The following LPA variants were observed in gnomAD, a reference collection of about 807,000 sequenced individuals.
The protein encoded by LPA is lipoprotein(a).
Under a neutral mutation model 197.9 loss-of-function variants are expected in LPA, and 199 were observed. That is an observed-to-expected ratio of 1.01 (90% confidence interval 0.90 to 1.13). The LOEUF is 1.13. Among genes scored for constraint, LPA ranks in the 50% most tolerant of loss-of-function variants. The pLI, the probability that LPA is intolerant of heterozygous loss-of-function variation, is 0.00. For synonymous variants in LPA, 715 were observed against 639.5 expected (o/e 1.12, Z -1.78); for missense variants, 1,853 against 1,785.8 (o/e 1.04, Z -0.68).
intron 23 of LPA, 112 bp from the exon 24 acceptor site, chr6:160,589,824 C>G: frequency 1.6e-6 from 2 of 1,247,862 alleles, no homozygotes; most frequent in Non-Finnish European, 2.3e-6. Context: ...CGACCATGCT[C>G]TGTTCTACAT....
At chr6:160,553,918 T>TC (rs1491552116) in intron 30 of LPA, among the ~76,000 whole-genome samples, 18 of 147,110 alleles carry the variant, frequency 1.2e-4, no homozygotes, top group African/African-American at 3.9e-4. Context: ...TCTCTCTCTC[T>TC]TTCTCTCTCT....
At chr6:160,552,841 A>T (rs1778187723) in intron 30 of LPA, among the ~76,000 whole-genome samples, 1 of 152,206 alleles carries the variant, frequency 6.6e-6, no homozygotes, top group African/African-American at 2.4e-5. Context: ...TAATATACTC[A>T]TAAGGTAGTT....
At chr6:160,534,614 C>T (rs1275163728) in intron 37 of LPA, among the ~76,000 whole-genome samples, 1 of 152,172 alleles carries the variant, frequency 6.6e-6, no homozygotes, top group Non-Finnish European at 1.5e-5. Context: ...TTTTGACCTC[C>T]TTCTGAGAAG....
intron 1 of LPA, among the ~76,000 whole-genome samples, chr6:160,659,101 G>A (rs1029997289): frequency 6.6e-6 from 1 of 152,162 alleles, no homozygotes; most frequent in Non-Finnish European, 1.5e-5. Context: ...GGAGTCCGAT[G>A]TTCAAGAGCA....
Position 160,608,182 on chromosome 6 carries a change from G to T in LPA, c.2604-1524C>A, listed in dbSNP as rs139873124. On this transcript the variant is annotated intron_variant, in intron 16 of 38. Transcript: ENST00000316300. ...TGCTGGGTTCTTCATTACATGGGCT[G>T]CAGAAAGTTCCCTTCTTGTACTATT... Among the ~76,000 whole-genome samples, 13 of 152,266 alleles carry T rather than the reference G, an allele frequency of 8.5e-5. No homozygotes were observed. In the East Asian group the frequency reaches 2.5e-3, roughly 29 times the overall value.
intron 1 of LPA, among the ~76,000 whole-genome samples, chr6:160,657,205 G>C (rs955084447): frequency 6.6e-6 from 1 of 151,998 alleles, no homozygotes; most frequent in East Asian, 1.9e-4. Flanking sequence ...ACAAAGCTTC[G>C]GCCAAGGGTG....
At chr6:160,594,196 G>C (rs1332446411) in intron 21 of LPA, 79 bp from the exon 22 acceptor site, 2 of 1,555,814 alleles carry the variant, frequency 1.3e-6, no homozygotes, top group Non-Finnish European at 1.8e-6. Context: ...GACTGAAACA[G>C]GATCATTGTC....
intron 18 of LPA, among the ~76,000 whole-genome samples, chr6:160,602,397 T>C (rs1779260968): frequency 6.6e-6 from 1 of 152,202 alleles, no homozygotes; most frequent in African/African-American, 2.4e-5. Flanking sequence ...CTTACAATGG[T>C]ACACTTCCAA....
intron 29 of LPA, among the ~76,000 whole-genome samples, chr6:160,557,049 T>C (rs1778276162): frequency 6.6e-6 from 1 of 152,142 alleles, no homozygotes; most frequent in Admixed American, 6.5e-5. Flanking sequence ...ATGAACACTG[T>C]CCATTTTAAT....
At position 160,552,559 on chromosome 6, in the gene LPA, A is replaced by T. The variant is rs184982609; in HGVS notation, c.4973+3466T>A. ...AGGATCATAGCATGTATACAGAAAA[A>T]GTTTTTGCACATTGAGCACGTATAT... is the stretch of plus-strand genomic sequence containing the variant. On this transcript the variant is annotated intron_variant, in intron 30 of 38. Coordinates refer to ENST00000316300, the MANE Select transcript of LPA (RefSeq NM_005577.4). Among the ~76,000 whole-genome samples the T allele has an allele frequency of 2.2e-4, 34 of 152,306 alleles. No homozygotes were observed. The East Asian group carries it at 6.2e-3, about 28-fold the overall frequency.
intron 28 of LPA, among the ~76,000 whole-genome samples, chr6:160,573,709 C>A (rs747857364): frequency 2.0e-5 from 3 of 152,162 alleles, no homozygotes; most frequent in African/African-American, 7.2e-5. Context: ...GGTCTTGCCA[C>A]CTAGCAAGTC....
intron 6 of LPA, among the ~76,000 whole-genome samples, chr6:160,636,068 G>A (rs1377625503): frequency 1.9e-4 from 2 of 10,296 alleles, no homozygotes; most frequent in African/African-American, 1.9e-3. Context: ...GAGGGAAAGG[G>A]GGATGAGTTG....
At chr6:160,609,524 T>C (rs1176327651) in intron 16 of LPA, among the ~76,000 whole-genome samples, 1 of 149,920 alleles carries the variant, frequency 6.7e-6, no homozygotes. Context: ...ATCATGTAGT[T>C]TTTTTTCTCG....
At position 160,540,194 on chromosome 6, in the gene LPA, T is replaced by A. The variant is rs1369266461; in HGVS notation, c.5595-11A>T. ...GAAGGCCTTGAGGACCTAGAAAAGA[T>A]GAGGATGTCAAGAGAAAAATATGGT... On this transcript the variant is annotated splice_polypyrimidine_tract_variant and intron_variant, in intron 35 of 38. Coordinates refer to ENST00000316300, the MANE Select transcript of LPA (RefSeq NM_005577.4). 5 of 1,614,038 alleles carry A rather than the reference T, an allele frequency of 3.1e-6. No homozygotes were observed. The highest frequency in any genetic ancestry group is 4.2e-6 in the Non-Finnish European group (5 of 1,180,042).
At chr6:160,581,834 G>A (rs910879139) in intron 26 of LPA, among the ~76,000 whole-genome samples, 7 of 152,078 alleles carry the variant, frequency 4.6e-5, no homozygotes, top group Non-Finnish European at 8.8e-5. Flanking sequence ...TAATCTATAA[G>A]CATGATGTGT....
chr6:160,647,245 A>G (rs1201104971), intron 2 of LPA, among the ~76,000 whole-genome samples: 1 of 152,206 alleles, frequency 6.6e-6, no homozygotes, highest in Non-Finnish European at 1.5e-5. Flanking sequence ...GAGGTCGGAC[A>G]GCTATGGAGG....
chr6:160,577,060 G>A, intron 28 of LPA, 76 bp downstream of exon 28: 1 of 1,563,232 alleles, frequency 6.4e-7, no homozygotes, highest in South Asian at 1.1e-5. Context: ...CCTAGGAAGT[G>A]AGCTTAAAGC....
chr6:160,568,774 G>A (rs1778509592), intron 28 of LPA, among the ~76,000 whole-genome samples: 1 of 152,202 alleles, frequency 6.6e-6, no homozygotes, highest in South Asian at 2.1e-4. Flanking sequence ...AAGCTGATAA[G>A]CAACTTCAGC....
chr6:160,647,265 C>G (rs1033510243), intron 2 of LPA, among the ~76,000 whole-genome samples: 40 of 152,210 alleles, frequency 2.6e-4, no homozygotes, highest in Admixed American at 9.8e-4. Context: ...GAGCAAAAAA[C>G]AATGAATTAG....
Sources: gnomAD v4.1 joint callset for allele counts (sites outside exome capture counted in the v4.1 genomes callset) on GRCh38, gnomAD v4.1.1 for gene constraint, MANE v1.5 for transcripts, NCBI Gene and HGNC (gene_info 2026-07-23, HGNC 2026-07-21) for gene names.